Variants in ANKS1B observed in about 807,000 individuals in gnomAD.
ANKS1B encodes ankyrin repeat and sterile alpha motif domain containing 1B.
In ANKS1B, 36 loss-of-function variants were observed where a neutral mutation model predicts 148.3. The observed-to-expected ratio is 0.24, with a 90% CI of 0.19 to 0.32. The LOEUF is 0.32. Among genes scored for constraint, ANKS1B ranks in the 10% least tolerant of loss-of-function variants. The pLI, the probability that ANKS1B is intolerant of heterozygous loss-of-function variation, is 1.00. For missense variants in ANKS1B, 1,157 were observed against 1,542.6 expected, an observed-to-expected ratio of 0.75 and a Z score of 4.19; for synonymous variants, 542 against 560.8, an observed-to-expected ratio of 0.97 and a Z score of 0.47.
At chr12:99,097,662 A>G (rs548750088) in intron 15 of ANKS1B, among the ~76,000 whole-genome samples, 1 of 152,332 alleles carries the variant, frequency 6.6e-6, no homozygotes, top group South Asian at 2.1e-4. Context: ...ATAGTAATAG[A>G]GTTGTGTTTG....
rs1051173348 is a variant in ANKS1B at position 98,881,005 on chromosome 12, T to A, written c.2779-48869A>T. 6.8e-4 allele frequency among the ~76,000 whole-genome samples: 103 copies of A among 151,848 alleles called. 1 individual carries two copies. The highest frequency in any genetic ancestry group is 1.2e-3 in the African/African-American group (48 of 41,262). ...AATTCCCTGCTTGGAAAGTTTTTTT[T>A]AAAAAAAATTTTTTAATGAATGATG... On this transcript the variant is annotated intron_variant, in intron 17 of 26. Transcript: ENST00000683438.
intron 9 of ANKS1B, among the ~76,000 whole-genome samples, chr12:99,516,593 G>A (rs948495878): frequency 6.6e-6 from 1 of 152,088 alleles, no homozygotes; most frequent in Non-Finnish European, 1.5e-5. Flanking sequence ...CTGTCAGGGA[G>A]GCAGGGGGAG....
intron 8 of ANKS1B, among the ~76,000 whole-genome samples, chr12:99,767,857 G>A (rs2062801838): frequency 6.6e-6 from 1 of 151,888 alleles, no homozygotes; most frequent in Admixed American, 6.6e-5. Flanking sequence ...ATCATAATAA[G>A]AATTTAATTT....
chr12:99,472,800 G>A (rs926817995), intron 10 of ANKS1B, among the ~76,000 whole-genome samples: 2 of 151,982 alleles, frequency 1.3e-5, no homozygotes, highest in African/African-American at 4.8e-5. Context: ...GTTAAACTGC[G>A]CTTAAAATAA....
At chr12:99,345,420 A>C (rs1374998818) in intron 12 of ANKS1B, among the ~76,000 whole-genome samples, 1 of 152,076 alleles carries the variant, frequency 6.6e-6, no homozygotes, top group African/African-American at 2.4e-5. Flanking sequence ...TTAGAGGAAG[A>C]ATGGAAAGTG....
chr12:99,663,530 A>AT (rs1317239990), intron 8 of ANKS1B, among the ~76,000 whole-genome samples: 1 of 152,172 alleles, frequency 6.6e-6, no homozygotes, highest in Admixed American at 6.5e-5. Context: ...TGAAAAATAA[A>AT]ATTTCTCTAA....
intron 9 of ANKS1B, among the ~76,000 whole-genome samples, chr12:99,541,812 G>T (rs757872913): frequency 6.6e-6 from 1 of 151,578 alleles, no homozygotes; most frequent in South Asian, 2.1e-4. Flanking sequence ...CCGAGATCAT[G>T]CCACTGCACT....
intron 15 of ANKS1B, among the ~76,000 whole-genome samples, chr12:99,121,033 T>C (rs1184567051): frequency 1.3e-5 from 2 of 151,722 alleles, no homozygotes; most frequent in Non-Finnish European, 2.9e-5. Flanking sequence ...GGAGATAAAT[T>C]AAAAATCAGT....
At chr12:99,836,365 C>T (rs376985086) in intron 1 of ANKS1B, among the ~76,000 whole-genome samples, 1 of 151,884 alleles carries the variant, frequency 6.6e-6, no homozygotes, top group South Asian at 2.1e-4. Context: ...ACAGTCATAT[C>T]CTAGACTGTA....
At position 99,510,690 on chromosome 12, in the gene ANKS1B, T is replaced by C. The variant is rs2096756373; in HGVS notation, c.1273-6049A>G. Among the ~76,000 whole-genome samples, 7 of 152,044 alleles carry C rather than the reference T, an allele frequency of 4.6e-5. 1 individual carries two copies. In the South Asian group the frequency reaches 1.4e-3, roughly 31 times the overall value. The stretch of plus-strand genomic sequence containing the variant: ...AAAGGATTTAGAATATTACATAAAC[T>C]TCATTGATAAAGCAGTGGCAGGGTT... On this transcript the variant is annotated intron_variant, in intron 9 of 26. Transcript: ENST00000683438.
At chr12:99,537,425 G>A (rs2153108832) in intron 9 of ANKS1B, among the ~76,000 whole-genome samples, 1 of 152,192 alleles carries the variant, frequency 6.6e-6, no homozygotes, top group Admixed American at 6.5e-5. Flanking sequence ...ACCAGCACTT[G>A]TTATTGCCTG....
intron 14 of ANKS1B, among the ~76,000 whole-genome samples, chr12:99,189,654 A>G (rs2080371939): frequency 6.6e-6 from 1 of 152,214 alleles, no homozygotes; most frequent in Non-Finnish European, 1.5e-5. Context: ...CCCTTCATCT[A>G]AAAACTCAAT....
intron 1 of ANKS1B, among the ~76,000 whole-genome samples, chr12:99,857,731 C>T (rs967321770): frequency 6.6e-6 from 1 of 152,026 alleles, no homozygotes; most frequent in Admixed American, 6.6e-5. Flanking sequence ...GAAATACACC[C>T]AAATACTTAC....
At chr12:99,937,940 G>T (rs971179886) in intron 1 of ANKS1B, among the ~76,000 whole-genome samples, 1 of 151,950 alleles carries the variant, frequency 6.6e-6, no homozygotes, top group South Asian at 2.1e-4. Context: ...GAGCAGAATC[G>T]ACCCAATTTT....
At chr12:99,120,745 G>A (rs2062578486) in intron 15 of ANKS1B, among the ~76,000 whole-genome samples, 1 of 152,182 alleles carries the variant, frequency 6.6e-6, no homozygotes, top group Admixed American at 6.5e-5. Context: ...GGGAACTGCA[G>A]GAGAAGCAGC....
chr12:99,859,210 T>G (rs11835084), intron 1 of ANKS1B, among the ~76,000 whole-genome samples: 3,632 of 152,318 alleles, frequency 0.024, 146 homozygotes, highest in African/African-American at 0.082. Flanking sequence ...GTTGTCACAT[T>G]TAATCAGTTA....
intron 15 of ANKS1B, among the ~76,000 whole-genome samples, chr12:99,141,754 T>C (rs1242711481): frequency 6.6e-6 from 1 of 152,098 alleles, no homozygotes; most frequent in Admixed American, 6.6e-5. Flanking sequence ...GCGGAGAACA[T>C]GTTATCATAC....
At chr12:98,880,666 A>G (rs982990858) in intron 17 of ANKS1B, among the ~76,000 whole-genome samples, 3 of 151,986 alleles carry the variant, frequency 2.0e-5, no homozygotes, top group African/African-American at 7.2e-5. Context: ...TACTCAGGAG[A>G]CTGAGGCAGG....
At chr12:99,535,181 G>T (rs975294164) in intron 9 of ANKS1B, among the ~76,000 whole-genome samples, 1 of 152,120 alleles carries the variant, frequency 6.6e-6, no homozygotes, top group Non-Finnish European at 1.5e-5. Context: ...GACAAAATAA[G>T]AATTAGTCAC....
Sources: gnomAD v4.1 joint callset for allele counts (sites outside exome capture counted in the v4.1 genomes callset) on GRCh38, gnomAD v4.1.1 for gene constraint, MANE v1.5 for transcripts, NCBI Gene and HGNC (gene_info 2026-07-23, HGNC 2026-07-21) for gene names.